Variants in TMEM19 observed in about 807,000 individuals in gnomAD.
TMEM19 encodes transmembrane protein 19.
Under a neutral mutation model 33.6 loss-of-function variants are expected in TMEM19, and 21 were observed. The observed-to-expected ratio is 0.62, with a 90% CI of 0.44 to 0.90. TMEM19 has a LOEUF of 0.90. Ranked by LOEUF, TMEM19 falls within the 40% of genes least tolerant of loss-of-function variation. The probability of loss-of-function intolerance (pLI) is 0.00; values close to 1 mark genes in which losing one functional copy is unlikely to be tolerated. For synonymous variants in TMEM19, 149 were observed against 147.5 expected, an observed-to-expected ratio of 1.01 and a Z score of -0.07; for missense variants, 402 against 401.8, an observed-to-expected ratio of 1.00 and a Z score of 0.00.
Position 71,699,004 on chromosome 12 carries a change from T to A in TMEM19, c.742T>A (p.Leu248Ile), listed in dbSNP as rs774602247. The change falls in exon 5 of 6, where the codon TTA becomes ATA. Residue 248 changes from leucine to isoleucine, a missense_variant. Physicochemically the swap from Leu to Ile is conservative, Grantham distance 5. Coordinates refer to ENST00000266673, the MANE Select transcript of TMEM19 (RefSeq NM_018279.4). Reference sequence around the variant, plus strand: ...CACACAGCTGATTTTTGTGAATGATTTAGACATTTCTGCCCCGCAGTGGCC... The same window carrying A: ...CACACAGCTGATTTTTGTGAATGATATAGACATTTCTGCCCCGCAGTGGCC... ...FLTQLIFVND[L>I]DISAPQWPII... 1 of 1,614,142 alleles carries A rather than the reference T, an allele frequency of 6.2e-7. No individual in the cohort carries two copies.
chr12:71,692,103 C>G (rs1881795794), intron 2 of TMEM19, among the ~76,000 whole-genome samples: 1 of 152,164 alleles, frequency 6.6e-6, no homozygotes, highest in South Asian at 2.1e-4. Context: ...TGGTAAATCT[C>G]AAACAAGATA....
Position 71,686,215 on chromosome 12 carries a change from GC to G in TMEM19, c.-464del, listed in dbSNP as rs1881682612. On this transcript the variant is annotated 5_prime_UTR_variant, in exon 1 of 6. Transcript: ENST00000266673. Reference sequence around the variant, plus strand: ...AGCTGTCGGGACGTGACTGCGTTCAGCCGCGTCGGGCGTGCTTCCCAGACTT... The same window carrying G: ...AGCTGTCGGGACGTGACTGCGTTCAGCGCGTCGGGCGTGCTTCCCAGACTT... 1 of 196,104 alleles carries G rather than the reference GC, an allele frequency of 5.1e-6. No homozygotes were observed. Among genetic ancestry groups the G allele is most frequent in the Admixed American group, 6.5e-5 (1 of 15,480 alleles). 12.1% of individuals were successfully genotyped at this position (196,104 alleles called of 1,614,324 possible). A position where few individuals can be genotyped will look rare whatever the true frequency, so the allele number is the denominator to read the frequency against.
chr12:71,686,503 C>T lies in TMEM19; in HGVS notation c.-178C>T, dbSNP rs1881691352. ...CACGCCCATATGAATTGGAGCTCTC[C>T]GCCAGTAGGAGTTTCCGGAAGGAGT... On this transcript the variant is annotated 5_prime_UTR_variant, in exon 1 of 6. Transcript: ENST00000266673. The T allele has an allele frequency of 1.7e-6, 1 of 604,084 alleles. No individual in the cohort carries two copies. The highest frequency in any genetic ancestry group is 2.7e-6 in the Non-Finnish European group (1 of 367,724). The allele number at this position is 604,084 out of a possible 1,614,324, so 37.4% of individuals were successfully genotyped here. A position where few individuals can be genotyped will look rare whatever the true frequency, so the allele number is the denominator to read the frequency against.
Position 71,698,964 on chromosome 12 carries a change from C to T in TMEM19, c.702C>T (p.Gly234=). The change falls in exon 5 of 6, where the codon GGC becomes GGT. Residue 234 remains glycine (G), a synonymous_variant. Coordinates refer to ENST00000266673, the MANE Select transcript of TMEM19 (RefSeq NM_018279.4). Reference sequence around the variant, plus strand: ...GTCTCCTTGGTGGTACCTTTGTGGGCATTGCATACTTCCTCACACAGCTGA... The same window carrying T: ...GTCTCCTTGGTGGTACCTTTGTGGGTATTGCATACTTCCTCACACAGCTGA... The part of the protein sequence containing the change: ...VSSLLGGTFV[G]IAYFLTQLIF... The T allele has an allele frequency of 6.2e-7, 1 of 1,614,104 alleles. No homozygotes were observed. Among genetic ancestry groups the T allele is most frequent in the Non-Finnish European group, 8.5e-7 (1 of 1,180,024 alleles).
intron 4 of TMEM19, among the ~76,000 whole-genome samples, chr12:71,698,364 G>A (rs190905309): frequency 3.3e-5 from 5 of 152,100 alleles, no homozygotes; most frequent in African/African-American, 1.2e-4. Flanking sequence ...ATATAAATTG[G>A]TTCTTTTATT....
chr12:71,694,454 A>G (rs1448264162), intron 2 of TMEM19, among the ~76,000 whole-genome samples: 4 of 152,232 alleles, frequency 2.6e-5, no homozygotes, highest in Admixed American at 2.6e-4. Flanking sequence ...AGAGTTGATT[A>G]GAGCCTAGAA....
rs1881774737 is a variant in TMEM19 at position 71,690,928 on chromosome 12, G to T, written c.244+1224G>T. ...TAAACTCTAGCAATGTGCTCTCGTG[G>T]TCCTATGGTTTTGTCAATTTTGCAA... On this transcript the variant is annotated intron_variant, in intron 2 of 5. Coordinates refer to ENST00000266673, the MANE Select transcript of TMEM19 (RefSeq NM_018279.4). Among the ~76,000 whole-genome samples the T allele has an allele frequency of 3.3e-5, 5 of 152,214 alleles. No homozygotes were observed. The South Asian group carries it at 1.0e-3, about 31-fold the overall frequency.
chr12:71,700,951 C>T lies in TMEM19; in HGVS notation c.967C>T (p.Leu323Phe), dbSNP rs768944655. 1.2e-6 allele frequency: 2 copies of T among 1,612,784 alleles called. No homozygotes were observed. Among genetic ancestry groups the T allele is most frequent in the African/African-American group, 2.7e-5 (2 of 74,872 alleles). ...VNLFSSVLIA[L>F]LLPTAAWGFW... is the part of the protein sequence containing the mutation. ...TCTGTTTTCTTCTGTTCTTATTGCC[C>T]TCTTGCTCCCAACTGCTGCTTGGGG... The change falls in exon 6 of 6, where the codon CTC (leucine) becomes TTC (phenylalanine). Residue 323 changes from leucine (L) to phenylalanine (F), a missense_variant. By Grantham distance (22) the Leu-to-Phe change is conservative. Transcript: ENST00000266673.
intron 2 of TMEM19, among the ~76,000 whole-genome samples, chr12:71,691,239 G>A (rs1881780053): frequency 6.6e-6 from 1 of 152,016 alleles, no homozygotes; most frequent in East Asian, 1.9e-4. Context: ...CTTTTGTGGG[G>A]TAATTGAGAA....
rs778761272 is a variant in TMEM19, at chr12:71,700,918, G to A, written c.934G>A (p.Ala312Thr). The part of the protein sequence containing the change: ...IAGKPILDNN[A>T]VNLFSSVLIA... Reference sequence around the variant, plus strand: ...AGGGAAACCCATTCTTGATAACAACGCAGTGAATCTGTTTTCTTCTGTTCT... The same window carrying A: ...AGGGAAACCCATTCTTGATAACAACACAGTGAATCTGTTTTCTTCTGTTCT... The change falls in exon 6 of 6, where the codon GCA becomes ACA. Residue 312 changes from alanine to threonine, a missense_variant. Coordinates refer to ENST00000266673, the MANE Select transcript of TMEM19 (RefSeq NM_018279.4). The A allele has an allele frequency of 8.7e-6, 14 of 1,613,612 alleles. No homozygotes were observed. The highest frequency in any genetic ancestry group is 4.5e-5 in the East Asian group (2 of 44,846).
At chr12:71,699,868 T>TA (rs1310563036) in intron 5 of TMEM19, 1 of 152,342 alleles carries the variant, frequency 6.6e-6, no homozygotes, top group African/African-American at 2.4e-5. Context: ...AGAAAAAAGA[T>TA]ATATGGTAGA....
In TMEM19 at chr12:71,686,535, T is replaced by A. The variant is rs1881692168; in HGVS notation, c.-146T>A. 4.2e-5 allele frequency: 38 copies of A among 894,926 alleles called. 1 individual carries two copies. In the South Asian group the frequency reaches 5.7e-4, roughly 13 times the overall value. 55.4% of individuals were successfully genotyped at this position (894,926 alleles called of 1,614,324 possible). A position where few individuals can be genotyped will look rare whatever the true frequency, so the allele number is the denominator to read the frequency against. On this transcript the variant is annotated 5_prime_UTR_variant, in exon 1 of 6. Coordinates refer to ENST00000266673, the MANE Select transcript of TMEM19 (RefSeq NM_018279.4). ...AGGAGTTTCCGGAAGGAGTTTGAATTTTTGTGATTTTTATGCTTGTTTGGT... is the reference window on the plus strand; with the variant it reads ...AGGAGTTTCCGGAAGGAGTTTGAATATTTGTGATTTTTATGCTTGTTTGGT...
intron 2 of TMEM19, among the ~76,000 whole-genome samples, chr12:71,691,698 A>G (rs1881789312): frequency 1.4e-5 from 2 of 148,040 alleles, no homozygotes; most frequent in Non-Finnish European, 3.0e-5. Flanking sequence ...TGATCGTGCC[A>G]CTTCAGTCAG....
intron 3 of TMEM19, among the ~76,000 whole-genome samples, chr12:71,696,794 C>T (rs555619953): frequency 2.8e-4 from 42 of 152,090 alleles, no homozygotes; most frequent in African/African-American, 9.6e-4. Flanking sequence ...CTACAGGCGC[C>T]TGCAACCATG....
Position 71,689,738 on chromosome 12 carries a change from C to CA in TMEM19, c.244+34_244+35insA, listed in dbSNP as rs765684754. 9.2e-6 allele frequency: 13 copies of CA among 1,408,388 alleles called. No individual in the cohort carries two copies. In the Admixed American group the frequency reaches 1.8e-4, roughly 20 times the overall value. The allele number at this position is 1,408,388 out of a possible 1,614,324, so 87.2% of individuals were successfully genotyped here. Reference sequence around the variant, plus strand: ...TTATTTTGAATGTTTACAGTAACTACTAAGTGCTTGCTTATATAATTTAAA... The same window carrying CA: ...TTATTTTGAATGTTTACAGTAACTACATAAGTGCTTGCTTATATAATTTAAA... On this transcript the variant is annotated intron_variant, in intron 2 of 5. Coordinates refer to ENST00000266673, the MANE Select transcript of TMEM19 (RefSeq NM_018279.4).
chr12:71,699,141 T>A (rs1227312464), intron 5 of TMEM19, 32 bp downstream of exon 5: 1 of 1,607,454 alleles, frequency 6.2e-7, no homozygotes, highest in South Asian at 1.1e-5. Flanking sequence ...TGCAACTTAT[T>A]GGTATGTTAA....
intron 5 of TMEM19, chr12:71,699,378 T>A: frequency 1.8e-6 from 1 of 556,760 alleles, no homozygotes; most frequent in African/African-American, 1.9e-5. Flanking sequence ...TGTGAGCCAT[T>A]ACCTAATCCC....
chr12:71,703,747 C>T lies in TMEM19; in HGVS notation c.*2752C>T. The T allele has an allele frequency of 5.0e-6, 1 of 200,102 alleles. No homozygotes were observed. Among genetic ancestry groups the T allele is most frequent in the Non-Finnish European group, 1.1e-5 (1 of 94,146 alleles). The allele number at this position is 200,102 out of a possible 1,614,324, so 12.4% of individuals were successfully genotyped here. A position where few individuals can be genotyped will look rare whatever the true frequency, so the allele number is the denominator to read the frequency against. ...TTTTGTGGTGATTTATGAACATCCC[C>T]ACTAAGTATAACTAAAGATCATAAA... On this transcript the variant is annotated 3_prime_UTR_variant, in exon 6 of 6. Coordinates refer to ENST00000266673, the MANE Select transcript of TMEM19 (RefSeq NM_018279.4).
chr12:71,691,109 C>A (rs1881777845), intron 2 of TMEM19, among the ~76,000 whole-genome samples: 1 of 152,188 alleles, frequency 6.6e-6, no homozygotes, highest in African/African-American at 2.4e-5. Context: ...TGCCTGGACA[C>A]ATAGCCAACA....
Sources: gnomAD v4.1 joint callset for allele counts (sites outside exome capture counted in the v4.1 genomes callset) on GRCh38, gnomAD v4.1.1 for gene constraint, MANE v1.5 for transcripts, NCBI Gene and HGNC (gene_info 2026-07-23, HGNC 2026-07-21) for gene names.